The following CBLB variants were observed in gnomAD, a reference collection of about 807,000 sequenced individuals.
The protein encoded by CBLB is Cbl proto-oncogene B.
In CBLB, 31 loss-of-function variants were observed where a neutral mutation model predicts 104.9. That is an observed-to-expected ratio of 0.30 (90% confidence interval 0.22 to 0.40). The LOEUF is 0.40. CBLB is among the 10% of genes least tolerant of loss of function. The probability of loss-of-function intolerance (pLI) is 1.00; values close to 1 mark genes in which losing one functional copy is unlikely to be tolerated. For synonymous variants in CBLB, 440 were observed against 422.6 expected, an observed-to-expected ratio of 1.04 and a Z score of -0.51; for missense variants, 1,062 against 1,214.6, an observed-to-expected ratio of 0.87 and a Z score of 1.87.
chr3:105,678,357 C>T lies in CBLB; in HGVS notation c.2569+74G>A, dbSNP rs144146703. 5 of 1,434,152 alleles carry T rather than the reference C, an allele frequency of 3.5e-6. No individual in the cohort carries two copies. The African/African-American group carries it at 5.6e-5, about 16-fold the overall frequency. 88.8% of individuals were successfully genotyped at this position (1,434,152 alleles called of 1,614,324 possible). On this transcript the variant is annotated intron_variant, in intron 17 of 18. Transcript: ENST00000394030. ...GAGGTAGAGACTAATGAATCACTAA[C>T]ATTTATTTGATAGTATGGTTTTGGA...
At chr3:105,750,023 AT>A (rs11326645) in intron 5 of CBLB, among the ~76,000 whole-genome samples, 31,845 of 146,554 alleles carry the variant, frequency 0.22, 3,382 homozygotes, top group Admixed American at 0.26. Flanking sequence ...TCCTATATGT[AT>A]TTTTTTTTTT....
intron 3 of CBLB, among the ~76,000 whole-genome samples, chr3:105,842,531 T>C (rs575249386): frequency 6.6e-6 from 1 of 152,336 alleles, no homozygotes; most frequent in African/African-American, 2.4e-5. Context: ...TTTCAAAGTT[T>C]CAATATACCG....
intron 3 of CBLB, among the ~76,000 whole-genome samples, chr3:105,797,631 T>A (rs1461724574): frequency 6.6e-6 from 1 of 152,216 alleles, no homozygotes; most frequent in African/African-American, 2.4e-5. Flanking sequence ...AAGAAAAATC[T>A]AACCACCAAG....
At chr3:105,792,861 T>C (rs1362192183) in intron 3 of CBLB, among the ~76,000 whole-genome samples, 2 of 151,894 alleles carry the variant, frequency 1.3e-5, no homozygotes, top group East Asian at 3.8e-4. Context: ...ATCTGCGGTG[T>C]CTAGTTCTAT....
intron 13 of CBLB, among the ~76,000 whole-genome samples, chr3:105,692,066 G>A (rs1431925741): frequency 6.6e-6 from 1 of 152,004 alleles, no homozygotes; most frequent in Non-Finnish European, 1.5e-5. Context: ...TGGGGGGCTG[G>A]GATCTACCTT....
intron 2 of CBLB, among the ~76,000 whole-genome samples, chr3:105,865,833 G>A (rs965092128): frequency 3.9e-5 from 6 of 152,098 alleles, no homozygotes; most frequent in African/African-American, 9.7e-5. Flanking sequence ...GTCCACTTAC[G>A]TAGCAGATAA....
At chr3:105,804,715 A>G (rs946123992) in intron 3 of CBLB, among the ~76,000 whole-genome samples, 2 of 151,830 alleles carry the variant, frequency 1.3e-5, no homozygotes, top group Admixed American at 1.3e-4. Context: ...TCTGTTGGAT[A>G]CTGTTGTCCT....
intron 10 of CBLB, among the ~76,000 whole-genome samples, chr3:105,716,946 A>G (rs2071987840): frequency 6.6e-6 from 1 of 152,138 alleles, no homozygotes; most frequent in Admixed American, 6.5e-5. Context: ...AGAGAATGAA[A>G]TATGAATGGT....
intron 3 of CBLB, among the ~76,000 whole-genome samples, chr3:105,820,715 C>G (rs1323229842): frequency 1.3e-5 from 2 of 151,900 alleles, no homozygotes; most frequent in Non-Finnish European, 2.9e-5. Flanking sequence ...AGAAATTCTT[C>G]AGAATTTTTT....
In CBLB at chr3:105,657,910, G is replaced by T. The variant is rs2063452652; in HGVS notation, c.*1060C>A. ...TAATGTTTCCACTGCAATATGAACT[G>T]GTTCCCACAGCTCTTAGGAGATAGA... is the stretch of plus-strand genomic sequence containing the variant. On this transcript the variant is annotated 3_prime_UTR_variant, in exon 19 of 19. Coordinates refer to ENST00000394030, the MANE Select transcript of CBLB (RefSeq NM_170662.5). The T allele has an allele frequency of 4.7e-6, 1 of 211,388 alleles. No individual in the cohort carries two copies. Among genetic ancestry groups the T allele is most frequent in the Non-Finnish European group, 9.6e-6 (1 of 104,382 alleles). 13.1% of individuals were successfully genotyped at this position (211,388 alleles called of 1,614,324 possible).
At chr3:105,793,080 A>T (rs1480178562) in intron 3 of CBLB, among the ~76,000 whole-genome samples, 2 of 152,108 alleles carry the variant, frequency 1.3e-5, no homozygotes, top group Non-Finnish European at 2.9e-5. Context: ...TATCCTTGGA[A>T]AATGTCAGTC....
At chr3:105,671,698 A>C (rs575162743) in intron 17 of CBLB, 155 of 204,626 alleles carry the variant, frequency 7.6e-4, no homozygotes, top group African/African-American at 3.3e-3. Flanking sequence ...GGATAATGTA[A>C]GGCAGGATTT....
chr3:105,661,437 T>G (rs2063781284), intron 18 of CBLB, among the ~76,000 whole-genome samples: 1 of 152,196 alleles, frequency 6.6e-6, no homozygotes, highest in African/African-American at 2.4e-5. Context: ...CTTTAATCAA[T>G]TACCAAAAAA....
intron 3 of CBLB, among the ~76,000 whole-genome samples, chr3:105,835,414 T>C (rs1197376308): frequency 6.6e-6 from 1 of 152,154 alleles, no homozygotes; most frequent in African/African-American, 2.4e-5. Flanking sequence ...ACCAGTTTAG[T>C]AGGAAGGAGA....
intron 3 of CBLB, among the ~76,000 whole-genome samples, chr3:105,780,648 G>GTTTTTTTT (rs1553788866): frequency 5.8e-4 from 61 of 105,010 alleles, no homozygotes; most frequent in Admixed American, 1.5e-3. Flanking sequence ...TACAATAAAA[G>GTTTTTTTT]TTTTGTTTTT....
chr3:105,808,738 A>G (rs2083853976), intron 3 of CBLB, among the ~76,000 whole-genome samples: 1 of 152,210 alleles, frequency 6.6e-6, no homozygotes, highest in Admixed American at 6.5e-5. Context: ...CATTGCATAT[A>G]TTTCAAAAAA....
intron 13 of CBLB, among the ~76,000 whole-genome samples, chr3:105,692,780 A>C (rs1408580575): frequency 6.6e-6 from 1 of 151,218 alleles, no homozygotes; most frequent in East Asian, 1.9e-4. Flanking sequence ...TACCGGAGGA[A>C]AGGCAGACAT....
intron 3 of CBLB, among the ~76,000 whole-genome samples, chr3:105,817,513 A>C (rs950845359): frequency 2.0e-5 from 3 of 152,182 alleles, no homozygotes; most frequent in African/African-American, 7.2e-5. Flanking sequence ...AATGCACATT[A>C]AGTAGTTCAG....
rs1420953036 is a variant in CBLB, at chr3:105,704,002, T to C, written c.1579A>G (p.Thr527Ala). Residue 527 changes from threonine (T) to alanine (A), a missense_variant, in exon 11 of 19, where the codon ACG (threonine) becomes GCG (alanine). By Grantham distance (58) the Thr-to-Ala change is moderately conservative (BLOSUM62 0). This residue lies in a region of CBLB where 605 missense variants were observed against 582.6 expected (regional missense o/e 1.04). Coordinates refer to ENST00000394030, the MANE Select transcript of CBLB (RefSeq NM_170662.5). ...AATTGATCTACCTTTGGTGAACCCGTTGGGCTGCCACAGGGAGATCTAACT... is the reference window on the plus strand; with the variant it reads ...AATTGATCTACCTTTGGTGAACCCGCTGGGCTGCCACAGGGAGATCTAACT... ...GIVRSPCGSPTGSPKSSPCMV... is the reference protein window; with the variant it reads ...GIVRSPCGSPAGSPKSSPCMV... 1.9e-6 allele frequency: 3 copies of C among 1,614,100 alleles called. No homozygotes were observed. The highest frequency in any genetic ancestry group is 1.7e-6 in the Non-Finnish European group (2 of 1,179,952).
Sources: allele counts gnomAD v4.1 joint callset (sites outside exome capture counted in the v4.1 genomes callset), GRCh38; gene constraint gnomAD v4.1.1; regional missense constraint gnomAD v4.1.1; transcripts MANE v1.5; gene names NCBI Gene and HGNC (gene_info 2026-07-23, HGNC 2026-07-21).